GRIK3: variants seen among roughly 807,000 people sequenced by gnomAD.
GRIK3 encodes glutamate ionotropic receptor kainate type subunit 3, also known as glutamate receptor ionotropic, kainate 3.
In GRIK3, 29 loss-of-function variants were observed where a neutral mutation model predicts 102.5. The ratio of observed to expected loss-of-function variants is 0.28; its 90% CI spans 0.21 to 0.39. GRIK3 has a LOEUF of 0.39. Among genes scored for constraint, GRIK3 ranks in the 10% least tolerant of loss-of-function variants. The probability of loss-of-function intolerance (pLI) is 1.00; values close to 1 mark genes in which losing one functional copy is unlikely to be tolerated. For synonymous variants in GRIK3, 511 were observed against 504.9 expected, an observed-to-expected ratio of 1.01 and a Z score of -0.16; for missense variants, 908 against 1,252.4, an observed-to-expected ratio of 0.73 and a Z score of 4.15.
chr1:36,852,188 G>A (rs1640593619), intron 8 of GRIK3, among the ~76,000 whole-genome samples: 1 of 152,180 alleles, frequency 6.6e-6, no homozygotes, highest in African/African-American at 2.4e-5. Flanking sequence ...TATATATGGT[G>A]TGAAATAATT....
chr1:36,877,431 G>A (rs762464815), intron 3 of GRIK3, among the ~76,000 whole-genome samples: 6 of 152,042 alleles, frequency 3.9e-5, no homozygotes, highest in Non-Finnish European at 8.8e-5. Context: ...CTTGCTCTAG[G>A]CTCTCCTTCC....
chr1:36,807,250 G>C (rs1642511650), intron 13 of GRIK3, among the ~76,000 whole-genome samples: 3 of 152,162 alleles, frequency 2.0e-5, no homozygotes, highest in Admixed American at 6.5e-5. Flanking sequence ...GGCCAGGAGA[G>C]AGGAGGGCAA....
intron 1 of GRIK3, among the ~76,000 whole-genome samples, chr1:36,947,177 C>T (rs1036323090): frequency 3.9e-5 from 6 of 152,106 alleles, no homozygotes; most frequent in Non-Finnish European, 8.8e-5. Flanking sequence ...CACTCCTGGG[C>T]CTGGTGTGTG....
At chr1:36,978,965 A>G (rs1339384968) in intron 1 of GRIK3, among the ~76,000 whole-genome samples, 2 of 152,234 alleles carry the variant, frequency 1.3e-5, no homozygotes, top group Admixed American at 6.5e-5. Context: ...AGAACTGCAG[A>G]CATTTACCAT....
chr1:36,848,812 C>T (rs1640547797), intron 9 of GRIK3, among the ~76,000 whole-genome samples: 2 of 149,142 alleles, frequency 1.3e-5, no homozygotes, highest in Non-Finnish European at 3.0e-5. Context: ...CCCTGTTCCT[C>T]TTGAGATATT....
At position 36,913,379 on chromosome 1, in the gene GRIK3, C is replaced by T. The variant is rs930371375; in HGVS notation, c.116-22283G>A. The stretch of plus-strand genomic sequence containing the variant: ...GAGGCGAGGGTCAGGGGAGCAAGAC[C>T]GGGAAAATTAGTGGAGGAGAACAGA... On this transcript the variant is annotated intron_variant, in intron 1 of 15. Transcript: ENST00000373091. 8.0e-5 allele frequency among the ~76,000 whole-genome samples: 12 copies of T among 150,084 alleles called. No individual in the cohort carries two copies. The East Asian group carries it at 1.2e-3, about 15-fold the overall frequency.
rs376598302 is a variant in GRIK3 at position 36,904,758 on chromosome 1, T to C, written c.116-13662A>G. 2.0e-4 allele frequency among the ~76,000 whole-genome samples: 30 copies of C among 152,288 alleles called. No individual in the cohort carries two copies. The East Asian group carries it at 4.8e-3, about 25-fold the overall frequency. ...TGTGGGAAGAATTTTACTCACATGATGCAAAGTGGGTACAGATGGGGCAGA... is the reference window on the plus strand; with the variant it reads ...TGTGGGAAGAATTTTACTCACATGACGCAAAGTGGGTACAGATGGGGCAGA... On this transcript the variant is annotated intron_variant, in intron 1 of 15. Coordinates refer to ENST00000373091, the MANE Select transcript of GRIK3 (RefSeq NM_000831.4).
chr1:36,836,437 A>G (rs572688), intron 10 of GRIK3, among the ~76,000 whole-genome samples: 28,223 of 152,214 alleles, frequency 0.19, 3,091 homozygotes, highest in African/African-American at 0.3. Context: ...AGGTGTTGGG[A>G]CAGCAGCCAA....
intron 1 of GRIK3, among the ~76,000 whole-genome samples, chr1:36,950,631 A>G (rs1175349008): frequency 1.3e-5 from 2 of 152,260 alleles, no homozygotes; most frequent in Non-Finnish European, 2.9e-5. Context: ...GCAGAGGCAC[A>G]GAGACTGTGG....
At chr1:36,842,010 G>T in intron 9 of GRIK3, 71 bp from the exon 10 acceptor site, 1 of 1,233,160 alleles carries the variant, frequency 8.1e-7, no homozygotes, top group Non-Finnish European at 1.2e-6. Context: ...GCACTGGAGA[G>T]TCAGGGCTAG....
At chr1:36,823,616 T>A (rs1642720805) in intron 11 of GRIK3, among the ~76,000 whole-genome samples, 1 of 152,156 alleles carries the variant, frequency 6.6e-6, no homozygotes, top group African/African-American at 2.4e-5. Context: ...GTACAACCTG[T>A]TGGAGCTGAG....
intron 1 of GRIK3, among the ~76,000 whole-genome samples, chr1:36,897,257 C>T (rs2124278817): frequency 6.6e-6 from 1 of 152,240 alleles, no homozygotes; most frequent in East Asian, 1.9e-4. Context: ...CCAAATATTT[C>T]ACAAAAAATC....
intron 1 of GRIK3, among the ~76,000 whole-genome samples, chr1:36,937,446 C>T (rs1409589141): frequency 6.6e-6 from 1 of 152,174 alleles, no homozygotes; most frequent in Non-Finnish European, 1.5e-5. Context: ...CTATAATCAG[C>T]CTGTGAGCTA....
chr1:36,944,303 A>G (rs1570813196), intron 1 of GRIK3, among the ~76,000 whole-genome samples: 1 of 152,248 alleles, frequency 6.6e-6, no homozygotes, highest in East Asian at 1.9e-4. Flanking sequence ...AGCCTTGGGA[A>G]AGTGGGATGA....
intron 1 of GRIK3, among the ~76,000 whole-genome samples, chr1:36,992,677 G>A (rs896054216): frequency 6.6e-6 from 1 of 152,124 alleles, no homozygotes; most frequent in Non-Finnish European, 1.5e-5. Flanking sequence ...CTCAGTGGAG[G>A]GCAGTACTTA....
chr1:37,001,538 C>G (rs562982897), intron 1 of GRIK3, among the ~76,000 whole-genome samples: 3 of 151,980 alleles, frequency 2.0e-5, no homozygotes, highest in Non-Finnish European at 4.4e-5. Flanking sequence ...ATCTTCCAGG[C>G]TAGAATCATC....
rs1044302269 is a variant in GRIK3 at position 36,872,447 on chromosome 1, GCA to G, written c.551-80_551-79del. 5 of 1,167,804 alleles carry G rather than the reference GCA, an allele frequency of 4.3e-6. No individual in the cohort carries two copies. The highest frequency in any genetic ancestry group is 6.1e-6 in the Non-Finnish European group (5 of 826,156). 72.3% of individuals were successfully genotyped at this position (1,167,804 alleles called of 1,614,324 possible). A position where few individuals can be genotyped will look rare whatever the true frequency, so the allele number is the denominator to read the frequency against. On this transcript the variant is annotated intron_variant, in intron 3 of 15. Transcript: ENST00000373091. This position sits in a 1 kb window ranked among gnomAD's most constrained non-coding sequence, Gnocchi z 5.9. ...TCCAGGCATCCACTTGGACTTGTGTGCACACACATGCCCATGGCCACAGGTCT... is the reference window on the plus strand; with the variant it reads ...TCCAGGCATCCACTTGGACTTGTGTGCACACATGCCCATGGCCACAGGTCT...
intron 1 of GRIK3, among the ~76,000 whole-genome samples, chr1:36,990,664 G>A (rs1002753228): frequency 1.3e-5 from 2 of 152,174 alleles, no homozygotes; most frequent in Middle Eastern, 3.2e-3. Flanking sequence ...GACAAATGAA[G>A]GCATTTATAG....
At chr1:36,874,511 A>C (rs1370404923) in intron 3 of GRIK3, among the ~76,000 whole-genome samples, 1 of 152,190 alleles carries the variant, frequency 6.6e-6, no homozygotes, top group African/African-American at 2.4e-5. Context: ...GGGAGGAGGA[A>C]GAGGCTATCA....
Sources: allele counts gnomAD v4.1 joint callset (sites outside exome capture counted in the v4.1 genomes callset), GRCh38; gene constraint gnomAD v4.1.1; non-coding constraint Gnocchi (gnomAD v3.1); transcripts MANE v1.5; gene names NCBI Gene and HGNC (gene_info 2026-07-23, HGNC 2026-07-21).